The following POC1A variants were observed in gnomAD, a reference collection of about 807,000 sequenced individuals.
The protein encoded by POC1A is POC1 centriolar protein A, also known as POC1 centriolar protein homolog A.
Under a neutral mutation model 47.8 loss-of-function variants are expected in POC1A, and 34 were observed. That is an observed-to-expected ratio of 0.71 (90% CI 0.54 to 0.95). POC1A has a LOEUF of 0.95. POC1A is among the 40% of genes least tolerant of loss of function. POC1A has a pLI of 0.00. For synonymous variants in POC1A, 177 were observed against 207.6 expected, an observed-to-expected ratio of 0.85 and a Z score of 1.27; for missense variants, 466 against 528.3, an observed-to-expected ratio of 0.88 and a Z score of 1.16.
At chr3:52,129,395 T>C (rs1189821108) in intron 7 of POC1A, among the ~76,000 whole-genome samples, 1 of 152,268 alleles carries the variant, frequency 6.6e-6, no homozygotes, top group African/African-American at 2.4e-5. Context: ...ACCCTCATGA[T>C]GGCTTATTCC....
chr3:52,138,039 A>T, intron 7 of POC1A, 130 bp downstream of exon 7: 1 of 983,118 alleles, frequency 1.0e-6, no homozygotes, highest in Admixed American at 2.1e-5. Flanking sequence ...CCCAGGTCAC[A>T]TGGAAATGCC....
chr3:52,131,679 G>A (rs757123769), intron 7 of POC1A, among the ~76,000 whole-genome samples: 25 of 152,314 alleles, frequency 1.6e-4, no homozygotes, highest in Middle Eastern at 3.4e-3. Flanking sequence ...GCAGCTGGTG[G>A]GGACACGAGT....
intron 7 of POC1A, among the ~76,000 whole-genome samples, chr3:52,129,150 A>G (rs1416968298): frequency 6.6e-6 from 1 of 152,120 alleles, no homozygotes; most frequent in East Asian, 1.9e-4. Context: ...GCGGTGGCAC[A>G]CACCTGTAAT....
intron 9 of POC1A, among the ~76,000 whole-genome samples, chr3:52,120,120 A>G (rs1703721063): frequency 2.0e-5 from 3 of 152,236 alleles, no homozygotes; most frequent in Admixed American, 6.5e-5. Flanking sequence ...CAGTGTTATA[A>G]AAAGTAGCTC....
intron 10 of POC1A, among the ~76,000 whole-genome samples, chr3:52,086,821 A>G (rs370728252): frequency 3.9e-5 from 6 of 152,276 alleles, no homozygotes; most frequent in African/African-American, 1.4e-4. Context: ...CCTGCATGCC[A>G]GTGATGAGGA....
At position 52,075,867 on chromosome 3, in the gene POC1A, C is replaced by T. The variant is rs1299582799; in HGVS notation, c.*20G>A. The T allele has an allele frequency of 4.4e-6, 7 of 1,588,394 alleles. No individual in the cohort carries two copies. Among genetic ancestry groups the T allele is most frequent in the Non-Finnish European group, 6.1e-6 (7 of 1,156,878 alleles). On this transcript the variant is annotated 3_prime_UTR_variant, in exon 11 of 11. Coordinates refer to ENST00000296484, the MANE Select transcript of POC1A (RefSeq NM_015426.5). ...CTGCCACCTGCAAATCCACCGAGCTCCTGATTCCTGCTCCCCTGATCATGG... is the reference window on the plus strand; with the variant it reads ...CTGCCACCTGCAAATCCACCGAGCTTCTGATTCCTGCTCCCCTGATCATGG...
intron 7 of POC1A, among the ~76,000 whole-genome samples, chr3:52,129,223 G>A (rs188940053): frequency 6.6e-6 from 1 of 152,146 alleles, no homozygotes; most frequent in Non-Finnish European, 1.5e-5. Context: ...AGGTTGCAGT[G>A]AGCCGAGATC....
At chr3:52,151,281 A>C (rs1698547657) in intron 1 of POC1A, 181 bp from the exon 2 acceptor site, 2 of 756,846 alleles carry the variant, frequency 2.6e-6, no homozygotes, top group Admixed American at 3.5e-5. Flanking sequence ...AGTTTTTACT[A>C]TTTGAATTAA....
At chr3:52,109,276 CT>C (rs1431437044) in intron 9 of POC1A, among the ~76,000 whole-genome samples, 2 of 152,038 alleles carry the variant, frequency 1.3e-5, no homozygotes, top group African/African-American at 4.8e-5. Flanking sequence ...AAGAAATGGC[CT>C]TATTTGGAGT....
At chr3:52,132,406 C>G (rs1704246470) in intron 7 of POC1A, among the ~76,000 whole-genome samples, 2 of 152,182 alleles carry the variant, frequency 1.3e-5, no homozygotes, top group Admixed American at 6.5e-5. Context: ...TATCATCCCC[C>G]ACCAGACAAG....
intron 9 of POC1A, among the ~76,000 whole-genome samples, chr3:52,117,449 C>T (rs752029599): frequency 7.2e-5 from 11 of 152,300 alleles, no homozygotes; most frequent in South Asian, 2.1e-4. Flanking sequence ...TCTCCCCAAA[C>T]GACAGAAGAG....
intron 4 of POC1A, among the ~76,000 whole-genome samples, chr3:52,148,967 G>C (rs1173614724): frequency 6.6e-6 from 1 of 152,218 alleles, no homozygotes. Context: ...AGATGTCAGA[G>C]GGTCATCATG....
intron 10 of POC1A, among the ~76,000 whole-genome samples, chr3:52,081,532 C>A (rs1702281694): frequency 6.6e-6 from 1 of 152,182 alleles, no homozygotes; most frequent in Non-Finnish European, 1.5e-5. Flanking sequence ...GGAAGAGGAT[C>A]AGGACCCAAA....
At position 52,154,417 on chromosome 3, in the gene POC1A, C is replaced by T. The variant is rs577688293; in HGVS notation, c.-45G>A. 2.8e-6 allele frequency: 4 copies of T among 1,410,238 alleles called. No individual in the cohort carries two copies. The African/African-American group carries it at 4.6e-5, about 16-fold the overall frequency. 87.4% of individuals were successfully genotyped at this position (1,410,238 alleles called of 1,614,324 possible). On this transcript the variant is annotated 5_prime_UTR_variant, in exon 1 of 11. Transcript: ENST00000296484. ...AAGGCAGCTGCGGTGGCCGTTGCGG[C>T]CCGTTCAGTTTCCGCGCCCCCAACG... is the stretch of plus-strand genomic sequence containing the variant.
Position 52,090,456 on chromosome 3 carries a change from C to T in POC1A, c.1125+6113G>A, listed in dbSNP as rs1443200976. 1.3e-5 allele frequency among the ~76,000 whole-genome samples: 2 copies of T among 152,176 alleles called. No individual in the cohort carries two copies. The highest frequency in any genetic ancestry group is 2.9e-5 in the Non-Finnish European group (2 of 68,028). On this transcript the variant is annotated intron_variant, in intron 10 of 10. Transcript: ENST00000296484. The surrounding 1 kb of genome is among the most constrained non-coding windows in gnomAD (Gnocchi z 4.2). Reference sequence around the variant, plus strand: ...GGTCATTGTCCACACCCCAGAGATCCACCCCCTTGCCCTAAGGAAGGCCCA... The same window carrying T: ...GGTCATTGTCCACACCCCAGAGATCTACCCCCTTGCCCTAAGGAAGGCCCA...
intron 9 of POC1A, among the ~76,000 whole-genome samples, chr3:52,098,323 T>C (rs981101190): frequency 1.3e-5 from 2 of 152,212 alleles, no homozygotes; most frequent in African/African-American, 2.4e-5. Context: ...CAGAGTCTGG[T>C]GCTGCTGGCT....
chr3:52,127,916 G>C (rs1704070712), intron 7 of POC1A, among the ~76,000 whole-genome samples: 1 of 152,082 alleles, frequency 6.6e-6, no homozygotes. Context: ...GGCTGGTCTT[G>C]AACTCCTGGC....
intron 9 of POC1A, among the ~76,000 whole-genome samples, chr3:52,104,781 G>A (rs548105625): frequency 4.7e-4 from 72 of 152,320 alleles, no homozygotes; most frequent in Middle Eastern, 3.4e-3. Context: ...TGAGAGAGCC[G>A]CAGAGATTCC....
intron 9 of POC1A, among the ~76,000 whole-genome samples, chr3:52,110,640 G>C (rs1436980514): frequency 1.3e-5 from 2 of 152,216 alleles, no homozygotes; most frequent in Non-Finnish European, 2.9e-5. Context: ...CCTGTGGAGA[G>C]GTGATGATGG....
Sources: gnomAD v4.1 joint callset for allele counts (sites outside exome capture counted in the v4.1 genomes callset) on GRCh38, gnomAD v4.1.1 for gene constraint, Gnocchi (gnomAD v3.1) non-coding constraint, MANE v1.5 for transcripts, NCBI Gene and HGNC (gene_info 2026-07-23, HGNC 2026-07-21) for gene names.